Variants in ABCB4 observed in about 807,000 individuals in gnomAD.
ABCB4 encodes phosphatidylcholine translocator ABCB4.
Under a neutral mutation model 145.7 loss-of-function variants are expected in ABCB4, and 76 were observed. The ratio of observed to expected loss-of-function variants is 0.52; its 90% confidence interval spans 0.43 to 0.63. ABCB4 has a LOEUF of 0.63. ABCB4 is among the 30% of genes least tolerant of loss of function. The probability of loss-of-function intolerance (pLI) is 0.00; values close to 1 mark genes in which losing one functional copy is unlikely to be tolerated. For synonymous variants in ABCB4, 517 were observed against 566.8 expected (o/e 0.91, Z 1.25); for missense variants, 1,234 against 1,553.1 (o/e 0.79, Z 3.45).
intron 9 of ABCB4, among the ~76,000 whole-genome samples, chr7:87,445,339 A>T (rs1811273856): frequency 6.6e-6 from 1 of 152,214 alleles, no homozygotes; most frequent in Non-Finnish European, 1.5e-5. Context: ...TCAATATAAA[A>T]CATGGCAGAT....
chr7:87,434,360 T>G (rs1312523903), intron 14 of ABCB4, among the ~76,000 whole-genome samples: 1 of 152,166 alleles, frequency 6.6e-6, no homozygotes, highest in African/African-American at 2.4e-5. Context: ...TGCTGTTATA[T>G]CTTTCTTCAA....
At chr7:87,409,050 T>C (rs1210336097) in intron 24 of ABCB4, among the ~76,000 whole-genome samples, 186 bp downstream of exon 24, 1 of 152,194 alleles carries the variant, frequency 6.6e-6, no homozygotes, top group Admixed American at 6.5e-5. Flanking sequence ...TTCAGGATCC[T>C]TGAAACCACC....
intron 16 of ABCB4, 122 bp from the exon 17 acceptor site, chr7:87,424,174 A>G: frequency 8.9e-7 from 1 of 1,121,540 alleles, no homozygotes; most frequent in East Asian, 2.4e-5. Flanking sequence ...GAGAATGACA[A>G]GCAAACTACT....
intron 4 of ABCB4, among the ~76,000 whole-genome samples, chr7:87,458,821 T>C (rs959767856): frequency 4.6e-5 from 7 of 152,106 alleles, no homozygotes; most frequent in Non-Finnish European, 8.8e-5. Flanking sequence ...GTGTTTATAA[T>C]TCGGAGGCTA....
intron 14 of ABCB4, among the ~76,000 whole-genome samples, chr7:87,432,754 T>C (rs890300756): frequency 6.6e-6 from 1 of 152,180 alleles, no homozygotes; most frequent in Non-Finnish European, 1.5e-5. Flanking sequence ...GGTTTCTTAA[T>C]GAGGTGGTGA....
chr7:87,378,856 C>A, the ABCB4 span, among the ~76,000 whole-genome samples: 539 of 152,214 alleles, frequency 3.5e-3, 5 homozygotes, highest in African/African-American at 0.012. Flanking sequence ...AGTAAAGTAG[C>A]TGTTATTTCA....
Position 87,440,985 on chromosome 7 carries a change from C to T in ABCB4, c.1357-583G>A, listed in dbSNP as rs45541342. On this transcript the variant is annotated intron_variant, in intron 12 of 27. Coordinates refer to ENST00000649586, the MANE Select transcript of ABCB4 (RefSeq NM_000443.4). ...TTGATCTCCTGACCTCGTGACCGCCCGCCTTGGCCTCCCAAAGTGCTGGGA... is the reference window on the plus strand; with the variant it reads ...TTGATCTCCTGACCTCGTGACCGCCTGCCTTGGCCTCCCAAAGTGCTGGGA... Among the ~76,000 whole-genome samples, 233 of 152,250 alleles carry T rather than the reference C, an allele frequency of 1.5e-3. 5 individuals are homozygous for T. In the East Asian group the frequency reaches 0.041, roughly 27 times the overall value.
At chr7:87,403,819 C>T (rs1333515641) in intron 26 of ABCB4, among the ~76,000 whole-genome samples, 1 of 152,000 alleles carries the variant, frequency 6.6e-6, no homozygotes, top group African/African-American at 2.4e-5. Context: ...GTAGTATACA[C>T]AGCACACTAT....
At chr7:87,471,400 T>C (rs1338320971) in intron 3 of ABCB4, among the ~76,000 whole-genome samples, 1 of 151,986 alleles carries the variant, frequency 6.6e-6, no homozygotes, top group Non-Finnish European at 1.5e-5. Context: ...AAAAAAAACT[T>C]CTAAAAAAAT....
At chr7:87,449,553 C>T (rs556030447) in intron 8 of ABCB4, among the ~76,000 whole-genome samples, 71 of 151,744 alleles carry the variant, frequency 4.7e-4, no homozygotes, top group African/African-American at 1.7e-3. Context: ...CCTGCCTCAG[C>T]CTCCTGAGTA....
the ABCB4 span, among the ~76,000 whole-genome samples, chr7:87,389,336 C>G: frequency 6.6e-6 from 1 of 152,122 alleles, no homozygotes; most frequent in Non-Finnish European, 1.5e-5. Flanking sequence ...ATGTATATTG[C>G]AGCCCTGTTC....
At chr7:87,372,191 C>T in the ABCB4 span, among the ~76,000 whole-genome samples, 1 of 152,114 alleles carries the variant, frequency 6.6e-6, no homozygotes, top group African/African-American at 2.4e-5. Flanking sequence ...GGCTATTTTA[C>T]TTTATCCTTA....
the ABCB4 span, among the ~76,000 whole-genome samples, chr7:87,365,957 T>C: frequency 6.6e-6 from 1 of 152,158 alleles, no homozygotes; most frequent in African/African-American, 2.4e-5. Flanking sequence ...TTAAGACTAA[T>C]TCAGTCATAC....
At chr7:87,468,651 C>A (rs778359587) in intron 3 of ABCB4, among the ~76,000 whole-genome samples, 55 of 152,088 alleles carry the variant, frequency 3.6e-4, no homozygotes, top group Non-Finnish European at 6.5e-4. Context: ...TACTGGCAAA[C>A]CGTGGGCGCG....
intron 4 of ABCB4, among the ~76,000 whole-genome samples, chr7:87,460,409 C>A (rs761498274): frequency 6.6e-6 from 1 of 151,930 alleles, no homozygotes; most frequent in Non-Finnish European, 1.5e-5. Context: ...AGCATAATAC[C>A]TAGTATTTGG....
Position 87,443,661 on chromosome 7 carries a change from A to G in ABCB4, c.1230+2T>C. On this transcript the variant is annotated splice_donor_variant, in intron 11 of 27. Coordinates refer to ENST00000649586, the MANE Select transcript of ABCB4 (RefSeq NM_000443.4). LOFTEE classifies it high-confidence loss of function. Reference sequence around the variant, plus strand: ...AATTCCTATAAATATTACTTACAGTACCTTGACGTTAGCTCGAGAAGGGTA... The same window carrying G: ...AATTCCTATAAATATTACTTACAGTGCCTTGACGTTAGCTCGAGAAGGGTA... 1 of 1,609,172 alleles carries G rather than the reference A, an allele frequency of 6.2e-7. No homozygotes were observed.
chr7:87,460,902 T>A (rs191615943), intron 4 of ABCB4, among the ~76,000 whole-genome samples: 2 of 152,272 alleles, frequency 1.3e-5, no homozygotes, highest in African/African-American at 4.8e-5. Flanking sequence ...ATGTTGTAGA[T>A]CTGTAGATTT....
chr7:87,406,695 C>T (rs748868545), intron 25 of ABCB4, among the ~76,000 whole-genome samples: 1 of 152,194 alleles, frequency 6.6e-6, no homozygotes, highest in Non-Finnish European at 1.5e-5. Context: ...CTATCTTGGT[C>T]TAACTGGCAA....
the ABCB4 span, chr7:87,392,758 AC>A: frequency 1.9e-6 from 3 of 1,613,524 alleles, no homozygotes; most frequent in Non-Finnish European, 2.5e-6. Flanking sequence ...TAGGTCTCTT[AC>A]TCATAGCAAA....
Sources: allele counts gnomAD v4.1 joint callset (sites outside exome capture counted in the v4.1 genomes callset), GRCh38; gene constraint gnomAD v4.1.1; transcripts MANE v1.5; gene names NCBI Gene and HGNC (gene_info 2026-07-23, HGNC 2026-07-21).